Variants in HS3ST5 observed in about 807,000 individuals in gnomAD.
The protein encoded by HS3ST5 is heparan sulfate-glucosamine 3-sulfotransferase 5.
A neutral mutation model predicts 25.4 loss-of-function variants in HS3ST5; 10 were observed. The observed-to-expected ratio is 0.39, with a 90% CI of 0.24 to 0.67. The LOEUF (loss-of-function observed/expected upper bound fraction) is 0.67. Ranked by LOEUF, HS3ST5 falls within the 30% of genes least tolerant of loss-of-function variation. HS3ST5 has a pLI of 0.44. For synonymous variants in HS3ST5, 170 were observed against 162.4 expected (o/e 1.05, Z -0.36); for missense variants, 324 against 420.7 (o/e 0.77, Z 2.01).
At chr6:114,081,726 T>C (rs1774461323) in intron 3 of HS3ST5, among the ~76,000 whole-genome samples, 1 of 152,214 alleles carries the variant, frequency 6.6e-6, no homozygotes, top group Admixed American at 6.5e-5. Flanking sequence ...AGAAATTTCA[T>C]TATAGACTGA....
intron 3 of HS3ST5, chr6:114,132,391 G>A (rs926485661): frequency 6.6e-6 from 1 of 152,028 alleles, no homozygotes; most frequent in Non-Finnish European, 1.5e-5. Context: ...GTCTTATCAC[G>A]CCATATAAAT....
intron 2 of HS3ST5, among the ~76,000 whole-genome samples, chr6:114,186,360 T>A (rs890969972): frequency 6.6e-6 from 1 of 152,056 alleles, no homozygotes; most frequent in African/African-American, 2.4e-5. Context: ...GGTGAACTCA[T>A]GAATAATAAG....
chr6:114,067,026 G>T (rs541263351), intron 3 of HS3ST5, among the ~76,000 whole-genome samples: 1 of 152,286 alleles, frequency 6.6e-6, no homozygotes, highest in East Asian at 1.9e-4. Context: ...GAGCCTGTCA[G>T]GTCAGCCCCT....
At chr6:114,236,012 G>A (rs1771838556) in intron 1 of HS3ST5, among the ~76,000 whole-genome samples, 1 of 152,198 alleles carries the variant, frequency 6.6e-6, no homozygotes, top group African/African-American at 2.4e-5. Context: ...GAATGAGAGT[G>A]CCTCCTTGAG....
rs890248245 is a variant in HS3ST5 at position 114,244,321 on chromosome 6, A to C, written c.-338-15543T>G. Among the ~76,000 whole-genome samples the C allele has an allele frequency of 3.3e-5, 5 of 152,340 alleles. No homozygotes were observed. The South Asian group carries it at 1.0e-3, about 32-fold the overall frequency. On this transcript the variant is annotated intron_variant, in intron 1 of 4. Transcript: ENST00000312719. ...ATTTAATATGGAATGAAGTGATGGCATGGTGGCTAGAGTGGACAGAATGTT... is the reference window on the plus strand; with the variant it reads ...ATTTAATATGGAATGAAGTGATGGCCTGGTGGCTAGAGTGGACAGAATGTT...
intron 1 of HS3ST5, among the ~76,000 whole-genome samples, chr6:114,264,918 C>T (rs961181619): frequency 1.1e-4 from 16 of 152,168 alleles, no homozygotes; most frequent in African/African-American, 3.6e-4. Flanking sequence ...CTCACCCTGT[C>T]ACCCAGGCTG....
chr6:114,236,910 T>C (rs1036100167), intron 1 of HS3ST5, among the ~76,000 whole-genome samples: 5 of 152,320 alleles, frequency 3.3e-5, no homozygotes, highest in African/African-American at 7.2e-5. Context: ...CTGGAAAATG[T>C]TGAACTATCT....
chr6:114,065,357 G>T (rs1158602168), intron 3 of HS3ST5, among the ~76,000 whole-genome samples: 1 of 152,240 alleles, frequency 6.6e-6, no homozygotes, highest in East Asian at 1.9e-4. Context: ...GAAGTCCTCA[G>T]TTAGACCTGC....
chr6:114,175,391 A>G (rs1779678536), intron 2 of HS3ST5, among the ~76,000 whole-genome samples: 1 of 152,208 alleles, frequency 6.6e-6, no homozygotes, highest in African/African-American at 2.4e-5. Flanking sequence ...GTAGATAACT[A>G]AATTATGATT....
chr6:114,189,778 T>A (rs1286485348), intron 2 of HS3ST5, among the ~76,000 whole-genome samples: 1 of 152,168 alleles, frequency 6.6e-6, no homozygotes, highest in Non-Finnish European at 1.5e-5. Flanking sequence ...GTTTGTCAAA[T>A]TAGATGCCTT....
At chr6:114,072,179 C>A (rs1773861192) in intron 3 of HS3ST5, among the ~76,000 whole-genome samples, 1 of 152,092 alleles carries the variant, frequency 6.6e-6, no homozygotes, top group African/African-American at 2.4e-5. Context: ...AACTTTCAAT[C>A]TGCAAATTCT....
chr6:114,141,858 TTGTGTGTGTGTGTGTGTGTGTGTG>T (rs59862071), intron 3 of HS3ST5, among the ~76,000 whole-genome samples: 2 of 141,266 alleles, frequency 1.4e-5, no homozygotes, highest in Non-Finnish European at 3.1e-5. Context: ...AGATGATAGT[TTGTGTGTGTGTGTGTGTGTGTGTG>T]TGTGTGTGTG....
At chr6:114,204,416 C>G (rs1781176127) in intron 2 of HS3ST5, among the ~76,000 whole-genome samples, 1 of 152,114 alleles carries the variant, frequency 6.6e-6, no homozygotes, top group Non-Finnish European at 1.5e-5. Context: ...GATTGGTACT[C>G]TTTTATTTTC....
chr6:114,287,854 G>T (rs954766318), intron 1 of HS3ST5, among the ~76,000 whole-genome samples: 19 of 151,858 alleles, frequency 1.3e-4, no homozygotes, highest in Admixed American at 4.6e-4. Flanking sequence ...CCCATAAAGT[G>T]CCTAATTGTG....
At chr6:114,271,881 C>T (rs747261052) in intron 1 of HS3ST5, among the ~76,000 whole-genome samples, 4 of 151,968 alleles carry the variant, frequency 2.6e-5, no homozygotes, top group African/African-American at 4.8e-5. Context: ...GCAGGAGGAC[C>T]GTGGCCCACT....
intron 2 of HS3ST5, among the ~76,000 whole-genome samples, chr6:114,183,328 C>T (rs534186609): frequency 7.8e-4 from 118 of 152,246 alleles, no homozygotes; most frequent in African/African-American, 2.6e-3. Context: ...TAAAGGGAAA[C>T]CCCTTTTGCC....
At chr6:114,243,752 C>T (rs1772250144) in intron 1 of HS3ST5, among the ~76,000 whole-genome samples, 1 of 152,170 alleles carries the variant, frequency 6.6e-6, no homozygotes, top group Non-Finnish European at 1.5e-5. Flanking sequence ...TCTTTCTCTA[C>T]CCCTTTTCTT....
At chr6:114,217,738 G>A (rs955057279) in intron 2 of HS3ST5, among the ~76,000 whole-genome samples, 4 of 152,152 alleles carry the variant, frequency 2.6e-5, no homozygotes, top group African/African-American at 4.8e-5. Context: ...CCAAGGTCAC[G>A]CAGCTAGTAA....
intron 1 of HS3ST5, among the ~76,000 whole-genome samples, chr6:114,332,358 G>A (rs1323056): frequency 0.32 from 48,887 of 151,922 alleles, 8,727 homozygotes; most frequent in Non-Finnish European, 0.41. Context: ...TGTTTGTTTC[G>A]TTGAAAGTTG....
Sources: gnomAD v4.1 joint callset for allele counts (sites outside exome capture counted in the v4.1 genomes callset) on GRCh38, gnomAD v4.1.1 for gene constraint, MANE v1.5 for transcripts, NCBI Gene and HGNC (gene_info 2026-07-23, HGNC 2026-07-21) for gene names.